ZNF525: variants seen among roughly 807,000 people sequenced by gnomAD.
ZNF525 encodes the protein zinc finger protein 525.
ZNF525 carries 33 observed loss-of-function variants against 37.6 expected under a neutral mutation model. That is an observed-to-expected ratio of 0.88 (90% CI 0.67 to 1.17). ZNF525 has a LOEUF of 1.17. ZNF525 is among the 50% of genes most tolerant of loss of function. ZNF525 has a pLI of 0.00. For missense variants in ZNF525, 449 were observed against 543.1 expected, an observed-to-expected ratio of 0.83 and a Z score of 1.72; for synonymous variants, 170 against 182.3, an observed-to-expected ratio of 0.93 and a Z score of 0.54.
Position 53,380,807 on chromosome 19 carries a change from A to C in ZNF525, c.228A>C (p.Arg76Ser). 3.5e-6 allele frequency: 5 copies of C among 1,423,384 alleles called. 1 individual carries two copies. The South Asian group carries it at 5.7e-5, about 16-fold the overall frequency. The allele number at this position is 1,423,384 out of a possible 1,614,324, so 88.2% of individuals were successfully genotyped here. Residue 76 changes from arginine to serine, a missense_variant, in exon 4 of 4, where the codon AGA (arginine) becomes AGC (serine). Physicochemically the swap from Arg to Ser is moderately radical, Grantham distance 110. Transcript: ENST00000474037. ...TGATCCACACAGGGACATTGCAAAG[A>C]CATGAACGTCATCACATTGGAGATT... ...TEVIHTGTLQ[R>S]HERHHIGDFS...
chr19:53,380,931 A>T lies in ZNF525; in HGVS notation c.352A>T (p.Lys118Ter). The T allele has an allele frequency of 6.5e-7, 1 of 1,540,630 alleles. No individual in the cohort carries two copies. Among genetic ancestry groups the T allele is most frequent in the African/African-American group, 1.4e-5 (1 of 73,474 alleles). ...GHEAPMTKIK[K>*]LMGSTEQYDH... ...TGAAGCACCCATGACAAAAATCAAA[A>T]AATTGATGGGTAGTACAGAGCAATA... Residue 118 changes from lysine to a stop codon, truncating the protein, a stop_gained, in exon 4 of 4, where the codon AAA becomes TAA. Transcript: ENST00000474037. LOFTEE classifies it high-confidence loss of function.
rs1299139843 is a variant in ZNF525 at position 53,381,882 on chromosome 19, G to A, written c.1303G>A (p.Gly435Arg). 1 of 1,002,806 alleles carries A rather than the reference G, an allele frequency of 1.0e-6. No homozygotes were observed. The highest frequency in any genetic ancestry group is 1.3e-5 in the South Asian group (1 of 78,786). 62.1% of individuals were successfully genotyped at this position (1,002,806 alleles called of 1,614,324 possible). ...SLERHRRIHNGEKLYKCNECG... is the reference protein window; with the variant it reads ...SLERHRRIHNREKLYKCNECG... Reference sequence around the variant, plus strand: ...TGAAAGACATAGGAGAATTCATAATGGAGAGAAACTGTACAAATGTAATGA... The same window carrying A: ...TGAAAGACATAGGAGAATTCATAATAGAGAGAAACTGTACAAATGTAATGA... The change falls in exon 4 of 4, where the codon GGA (glycine) becomes AGA (arginine). Residue 435 changes from glycine (G) to arginine (R), a missense_variant. Coordinates refer to ENST00000474037, the MANE Select transcript of ZNF525 (RefSeq NM_001348156.2).
intron 1 of ZNF525, among the ~76,000 whole-genome samples, chr19:53,366,779 G>A (rs943826767): frequency 9.3e-5 from 13 of 139,678 alleles, no homozygotes; most frequent in Non-Finnish European, 1.6e-4. Context: ...GGGGATCTGG[G>A]GTGCCAGAGA....
In ZNF525 at chr19:53,385,182, T is replaced by A. The variant is rs1197571045; in HGVS notation, c.*3163T>A. ...GAATACAGTTTTCTAGGACAAGGGA[T>A]CTTCAAGAAGTTCTGGAAAAATACA... On this transcript the variant is annotated 3_prime_UTR_variant, in exon 4 of 4. Transcript: ENST00000474037. The A allele has an allele frequency of 2.0e-6, 1 of 499,542 alleles. No individual in the cohort carries two copies. Among genetic ancestry groups the A allele is most frequent in the Non-Finnish European group, 3.5e-6 (1 of 284,678 alleles). The allele number at this position is 499,542 out of a possible 1,614,324, so 30.9% of individuals were successfully genotyped here.
chr19:53,383,154 AGT>A lies in ZNF525; in HGVS notation c.*1138_*1139del, dbSNP rs1374341604. Reference sequence around the variant, plus strand: ...ACTCATACTGGAGAGAAACATTACAAGTGTAATGAGTGTGGCAAGACCTACTC... The same window carrying A: ...ACTCATACTGGAGAGAAACATTACAAGTAATGAGTGTGGCAAGACCTACTC... On this transcript the variant is annotated 3_prime_UTR_variant, in exon 4 of 4. Coordinates refer to ENST00000474037, the MANE Select transcript of ZNF525 (RefSeq NM_001348156.2). 11 of 1,314,482 alleles carry A rather than the reference AGT, an allele frequency of 8.4e-6. No individual in the cohort carries two copies. The African/African-American group carries it at 1.5e-4, about 17-fold the overall frequency. 81.4% of individuals were successfully genotyped at this position (1,314,482 alleles called of 1,614,324 possible). A position where few individuals can be genotyped will look rare whatever the true frequency, so the allele number is the denominator to read the frequency against.
rs559061333 is a variant in ZNF525, at chr19:53,383,448, A to C, written c.*1429A>C. ...TTACAGTCGCAAATCAAACCTCGAA[A>C]GACAGGAGAATTCATACTGGAGAGA... is the stretch of plus-strand genomic sequence containing the variant. On this transcript the variant is annotated 3_prime_UTR_variant, in exon 4 of 4. Coordinates refer to ENST00000474037, the MANE Select transcript of ZNF525 (RefSeq NM_001348156.2). The C allele has an allele frequency of 4.0e-4, 405 of 1,024,970 alleles. No individual in the cohort carries two copies. The highest frequency in any genetic ancestry group is 2.1e-3 in the Middle Eastern group (9 of 4,382). 63.5% of individuals were successfully genotyped at this position (1,024,970 alleles called of 1,614,324 possible).
At position 53,383,798 on chromosome 19, in the gene ZNF525, C is replaced by A; in HGVS notation, c.*1779C>A. The stretch of plus-strand genomic sequence containing the variant: ...ATACATTGCCGTTCATTGGCGAACT[C>A]ATGCTGGAGAGAAATCTTACAATGT... On this transcript the variant is annotated 3_prime_UTR_variant, in exon 4 of 4. Coordinates refer to ENST00000474037, the MANE Select transcript of ZNF525 (RefSeq NM_001348156.2). The A allele has an allele frequency of 3.8e-6, 2 of 529,738 alleles. No individual in the cohort carries two copies. Among genetic ancestry groups the A allele is most frequent in the Non-Finnish European group, 3.6e-6 (1 of 280,992 alleles). 32.8% of individuals were successfully genotyped at this position (529,738 alleles called of 1,614,324 possible).
chr19:53,372,947 T>C (rs1600015837), intron 2 of ZNF525, among the ~76,000 whole-genome samples: 1 of 152,176 alleles, frequency 6.6e-6, no homozygotes, highest in East Asian at 1.9e-4. Context: ...GGTGTTACTG[T>C]GGAGAGGCTT....
chr19:53,385,022 A>G lies in ZNF525; in HGVS notation c.*3003A>G, dbSNP rs1486309398. ...TTTGTGGAACGCTTTTTCTCCATCTACTAAGGTGATGTGGTTTTAATCTTT... is the reference window on the plus strand; with the variant it reads ...TTTGTGGAACGCTTTTTCTCCATCTGCTAAGGTGATGTGGTTTTAATCTTT... On this transcript the variant is annotated 3_prime_UTR_variant, in exon 4 of 4. Transcript: ENST00000474037. 4.3e-6 allele frequency: 3 copies of G among 701,066 alleles called. No individual in the cohort carries two copies. Among genetic ancestry groups the G allele is most frequent in the African/African-American group, 3.5e-5 (2 of 57,146 alleles). 43.4% of individuals were successfully genotyped at this position (701,066 alleles called of 1,614,324 possible).
In ZNF525 at chr19:53,382,325, A is replaced by C; in HGVS notation, c.*306A>C. On this transcript the variant is annotated 3_prime_UTR_variant, in exon 4 of 4. Coordinates refer to ENST00000474037, the MANE Select transcript of ZNF525 (RefSeq NM_001348156.2). The stretch of plus-strand genomic sequence containing the variant: ...CTGGAGAGAAACCTTACAAATGTGA[A>C]GAATGTGATGAAACTTTCAGATACA... 3.0e-6 allele frequency: 4 copies of C among 1,344,026 alleles called. No individual in the cohort carries two copies. The highest frequency in any genetic ancestry group is 4.3e-6 in the Non-Finnish European group (4 of 936,232). 83.3% of individuals were successfully genotyped at this position (1,344,026 alleles called of 1,614,324 possible). A position where few individuals can be genotyped will look rare whatever the true frequency, so the allele number is the denominator to read the frequency against.
chr19:53,371,454 C>T (rs779489288), intron 1 of ZNF525, among the ~76,000 whole-genome samples: 28 of 152,128 alleles, frequency 1.8e-4, no homozygotes, highest in Non-Finnish European at 3.1e-4. Flanking sequence ...TCACTGCAAC[C>T]ACCACCTCCA....
chr19:53,370,014 G>A (rs1267434583), intron 1 of ZNF525, among the ~76,000 whole-genome samples: 6 of 150,872 alleles, frequency 4.0e-5, no homozygotes, highest in South Asian at 4.2e-4. Flanking sequence ...GTGAGCCACC[G>A]CGCCCGGCCA....
rs561203132 is a variant in ZNF525, at chr19:53,369,523, G to A, written c.-67-2692G>A. Reference sequence around the variant, plus strand: ...ATTACAAGCATGATCCATTGTTCCCGGCCACCCATGTATTCTTGATGGAAA... The same window carrying A: ...ATTACAAGCATGATCCATTGTTCCCAGCCACCCATGTATTCTTGATGGAAA... On this transcript the variant is annotated intron_variant, in intron 1 of 3. Coordinates refer to ENST00000474037, the MANE Select transcript of ZNF525 (RefSeq NM_001348156.2). Among the ~76,000 whole-genome samples the A allele has an allele frequency of 4.6e-4, 67 of 147,216 alleles. 9 individuals carry two copies. The highest frequency in any genetic ancestry group is 8.8e-4 in the Non-Finnish European group (59 of 66,988).
Position 53,383,691 on chromosome 19 carries a change from C to G in ZNF525, c.*1672C>G, listed in dbSNP as rs1403813466. ...CACAACGTCTTCAGTAATGCTACAACCATTGTAAATCACTGGAGAAGCCAT... is the reference window on the plus strand; with the variant it reads ...CACAACGTCTTCAGTAATGCTACAAGCATTGTAAATCACTGGAGAAGCCAT... On this transcript the variant is annotated 3_prime_UTR_variant, in exon 4 of 4. Transcript: ENST00000474037. The G allele has an allele frequency of 4.3e-6, 3 of 700,686 alleles. No homozygotes were observed. Among genetic ancestry groups the G allele is most frequent in the Non-Finnish European group, 7.1e-6 (3 of 420,936 alleles). 43.4% of individuals were successfully genotyped at this position (700,686 alleles called of 1,614,324 possible). A position where few individuals can be genotyped will look rare whatever the true frequency, so the allele number is the denominator to read the frequency against.
intron 1 of ZNF525, among the ~76,000 whole-genome samples, chr19:53,370,381 T>C (rs7245513): frequency 0.038 from 5,511 of 143,624 alleles, 332 homozygotes; most frequent in African/African-American, 0.13. Flanking sequence ...GCCACTGCTC[T>C]CCAGCCTGGG....
chr19:53,366,439 G>C (rs1186596862), intron 1 of ZNF525, among the ~76,000 whole-genome samples: 1 of 151,454 alleles, frequency 6.6e-6, no homozygotes, highest in African/African-American at 2.4e-5. Flanking sequence ...GAGACAGACA[G>C]CAGTAGAAAA....
chr19:53,378,486 C>T (rs563955613), intron 3 of ZNF525, among the ~76,000 whole-genome samples: 4 of 152,062 alleles, frequency 2.6e-5, no homozygotes, highest in South Asian at 2.1e-4. Context: ...GCAGGAGAAT[C>T]GTGCCACTAC....
At position 53,368,057 on chromosome 19, in the gene ZNF525, T is replaced by C. The variant is rs546086541; in HGVS notation, c.-68+2298T>C. On this transcript the variant is annotated intron_variant, in intron 1 of 3. Coordinates refer to ENST00000474037, the MANE Select transcript of ZNF525 (RefSeq NM_001348156.2). Reference sequence around the variant, plus strand: ...GTCTATATCTCTTTTGTTTTTTTTCTTTAATTTTGTTGTAGACAGGATACC... The same window carrying C: ...GTCTATATCTCTTTTGTTTTTTTTCCTTAATTTTGTTGTAGACAGGATACC... Among the ~76,000 whole-genome samples, 23 of 151,880 alleles carry C rather than the reference T, an allele frequency of 1.5e-4. No individual in the cohort carries two copies. The South Asian group carries it at 4.8e-3, about 32-fold the overall frequency.
In ZNF525 at chr19:53,376,547, A is replaced by G. The variant is rs2085523752; in HGVS notation, c.142+651A>G. 3 of 557,966 alleles carry G rather than the reference A, an allele frequency of 5.4e-6. No individual in the cohort carries two copies. The East Asian group carries it at 9.2e-5, about 17-fold the overall frequency. 34.6% of individuals were successfully genotyped at this position (557,966 alleles called of 1,614,324 possible). A position where few individuals can be genotyped will look rare whatever the true frequency, so the allele number is the denominator to read the frequency against. On this transcript the variant is annotated intron_variant, in intron 3 of 3. Coordinates refer to ENST00000474037, the MANE Select transcript of ZNF525 (RefSeq NM_001348156.2). ...ATTGTGTTTAATTGCTTTTCTGTGTAGACACGCTTTGACTCCTTTCTTCTT... is the reference window on the plus strand; with the variant it reads ...ATTGTGTTTAATTGCTTTTCTGTGTGGACACGCTTTGACTCCTTTCTTCTT...
Sources: gnomAD v4.1 joint callset for allele counts (sites outside exome capture counted in the v4.1 genomes callset) on GRCh38, gnomAD v4.1.1 for gene constraint, MANE v1.5 for transcripts, NCBI Gene and HGNC (gene_info 2026-07-23, HGNC 2026-07-21) for gene names.